FAM169A: variants seen among roughly 807,000 people sequenced by gnomAD.
FAM169A encodes family with sequence similarity 169 member A, also known as soluble lamin-associated protein of 75 kDa.
A neutral mutation model predicts 75.7 loss-of-function variants in FAM169A; 24 were observed. The observed-to-expected ratio is 0.32, with a 90% CI of 0.23 to 0.45. The LOEUF (loss-of-function observed/expected upper bound fraction) is 0.45, where lower values mean the gene tolerates loss of function less well. Ranked by LOEUF, FAM169A falls within the 20% of genes least tolerant of loss-of-function variation. FAM169A has a pLI of 1.00. For synonymous variants in FAM169A, 271 were observed against 271.0 expected (o/e 1.00, Z 0.00); for missense variants, 673 against 784.0 (o/e 0.86, Z 1.69).
intron 8 of FAM169A, among the ~76,000 whole-genome samples, chr5:74,802,171 A>C (rs1220933358): frequency 6.6e-6 from 1 of 152,174 alleles, no homozygotes; most frequent in African/African-American, 2.4e-5. Context: ...ACATGTAATC[A>C]ATCACAAAGC....
chr5:74,855,871 G>C (rs749264522), intron 1 of FAM169A, among the ~76,000 whole-genome samples: 21 of 152,192 alleles, frequency 1.4e-4, no homozygotes, highest in Non-Finnish European at 2.5e-4. Flanking sequence ...CTATGCCCTG[G>C]AGAGTTTTCC....
chr5:74,807,360 A>G (rs1251716365), intron 6 of FAM169A, among the ~76,000 whole-genome samples: 1 of 152,206 alleles, frequency 6.6e-6, no homozygotes, highest in African/African-American at 2.4e-5. Flanking sequence ...AGTACTCTGT[A>G]GAGTATTGGT....
intron 1 of FAM169A, among the ~76,000 whole-genome samples, chr5:74,850,551 T>C (rs1236398189): frequency 6.6e-6 from 1 of 152,170 alleles, no homozygotes; most frequent in Non-Finnish European, 1.5e-5. Context: ...AAAATACTGG[T>C]TAAGGGAGTG....
At chr5:74,862,512 A>G (rs1377376921) in intron 1 of FAM169A, among the ~76,000 whole-genome samples, 1 of 152,202 alleles carries the variant, frequency 6.6e-6, no homozygotes, top group Non-Finnish European at 1.5e-5. Flanking sequence ...TTCCAGAGTC[A>G]CTCAGACAGA....
At chr5:74,805,327 A>T in intron 6 of FAM169A, 43 bp from the exon 7 acceptor site, 1 of 1,595,214 alleles carries the variant, frequency 6.3e-7, no homozygotes. Flanking sequence ...CCAAATATCC[A>T]CTGTTTTGAA....
intron 1 of FAM169A, among the ~76,000 whole-genome samples, chr5:74,863,175 A>C (rs1382353707): frequency 1.3e-5 from 2 of 152,168 alleles, no homozygotes; most frequent in South Asian, 4.1e-4. Flanking sequence ...CCATGAGTCT[A>C]ATAAGCATTC....
At position 74,780,636 on chromosome 5, in the gene FAM169A, G is replaced by A. The variant is rs1276449126; in HGVS notation, c.*824C>T. The A allele has an allele frequency of 2.6e-5, 4 of 152,134 alleles. No homozygotes were observed. Among genetic ancestry groups the A allele is most frequent in the Non-Finnish European group, 4.4e-5 (3 of 68,024 alleles). 9.4% of individuals were successfully genotyped at this position (152,134 alleles called of 1,614,324 possible). On this transcript the variant is annotated 3_prime_UTR_variant, in exon 13 of 13. Coordinates refer to ENST00000687041, the MANE Select transcript of FAM169A (RefSeq NM_001376049.1). Reference sequence around the variant, plus strand: ...GTCCAAATTAAACCATGTCTCCAAAGTATAGTTGTGATTTTTACCTGATTA... The same window carrying A: ...GTCCAAATTAAACCATGTCTCCAAAATATAGTTGTGATTTTTACCTGATTA...
At chr5:74,798,003 T>C (rs1746366599) in intron 10 of FAM169A, among the ~76,000 whole-genome samples, 1 of 152,250 alleles carries the variant, frequency 6.6e-6, no homozygotes, top group East Asian at 1.9e-4. Context: ...AGATTTGGCC[T>C]ACAGGCCATA....
chr5:74,830,760 T>C (rs1748272330), intron 5 of FAM169A, among the ~76,000 whole-genome samples: 1 of 152,176 alleles, frequency 6.6e-6, no homozygotes, highest in South Asian at 2.1e-4. Flanking sequence ...CTTGAAACTA[T>C]AATGTCTGAA....
In FAM169A at chr5:74,778,955, G is replaced by A. The variant is rs1244741000; in HGVS notation, c.*2505C>T. 1.3e-5 allele frequency: 2 copies of A among 152,060 alleles called. No individual in the cohort carries two copies. Among genetic ancestry groups the A allele is most frequent in the Non-Finnish European group, 2.9e-5 (2 of 67,928 alleles). 9.4% of individuals were successfully genotyped at this position (152,060 alleles called of 1,614,324 possible). On this transcript the variant is annotated 3_prime_UTR_variant, in exon 13 of 13. Transcript: ENST00000687041. ...AAGTTCATGTAGGTTCCTTATTGAA[G>A]ATAAATTGTGGTATAAATTCTATAC...
intron 1 of FAM169A, among the ~76,000 whole-genome samples, chr5:74,859,689 G>T (rs1478882958): frequency 1.3e-5 from 2 of 152,072 alleles, no homozygotes; most frequent in Admixed American, 6.6e-5. Context: ...GATACATCAC[G>T]ATTTTTTTTA....
At chr5:74,823,761 C>CA (rs1747878744) in intron 5 of FAM169A, among the ~76,000 whole-genome samples, 1 of 152,166 alleles carries the variant, frequency 6.6e-6, no homozygotes, top group African/African-American at 2.4e-5. Flanking sequence ...ACGGGACTCT[C>CA]ACATGCCTTT....
At chr5:74,826,264 C>T (rs1288301689) in intron 5 of FAM169A, among the ~76,000 whole-genome samples, 1 of 152,138 alleles carries the variant, frequency 6.6e-6, no homozygotes, top group Non-Finnish European at 1.5e-5. Context: ...CTCTTTTACT[C>T]TCTTTTGCTT....
At position 74,778,778 on chromosome 5, in the gene FAM169A, AGTG is replaced by A. The variant is rs1423424938; in HGVS notation, c.*2679_*2681del. On this transcript the variant is annotated 3_prime_UTR_variant, in exon 13 of 13. Coordinates refer to ENST00000687041, the MANE Select transcript of FAM169A (RefSeq NM_001376049.1). ...GAAATATACACGTATGTACATAAAA[AGTG>A]AACTCCCTTCACAAATAAGTTCACA... 2.0e-5 allele frequency: 3 copies of A among 152,116 alleles called. No homozygotes were observed. The highest frequency in any genetic ancestry group is 6.5e-5 in the Admixed American group (1 of 15,274). 9.4% of individuals were successfully genotyped at this position (152,116 alleles called of 1,614,324 possible).
At chr5:74,788,833 C>T (rs891221438) in intron 11 of FAM169A, among the ~76,000 whole-genome samples, 2 of 152,044 alleles carry the variant, frequency 1.3e-5, no homozygotes, top group Admixed American at 6.5e-5. Flanking sequence ...CACGGTTCAA[C>T]TCTCTCATTT....
intron 7 of FAM169A, 39 bp downstream of exon 7, chr5:74,805,117 A>G: frequency 6.3e-7 from 1 of 1,597,384 alleles, no homozygotes; most frequent in Non-Finnish European, 8.6e-7. Context: ...ACCAAAAATA[A>G]ATAAACTGAA....
At chr5:74,784,607 T>TA (rs70976133) in intron 11 of FAM169A, among the ~76,000 whole-genome samples, 1,012 of 60,568 alleles carry the variant, frequency 0.017, 43 homozygotes, top group African/African-American at 0.063. Context: ...CAACCCAGGC[T>TA]AAAAAAAAAA....
intron 1 of FAM169A, among the ~76,000 whole-genome samples, chr5:74,859,058 T>C (rs938015936): frequency 1.3e-5 from 2 of 151,478 alleles, no homozygotes; most frequent in African/African-American, 4.8e-5. Context: ...ACTAAAAATA[T>C]AAAAAATTAG....
At chr5:74,862,772 A>T (rs1400037922) in intron 1 of FAM169A, among the ~76,000 whole-genome samples, 2 of 152,200 alleles carry the variant, frequency 1.3e-5, no homozygotes, top group Non-Finnish European at 2.9e-5. Context: ...GCGCTTTTTT[A>T]AAAATGCAAT....
Sources: allele counts gnomAD v4.1 joint callset (sites outside exome capture counted in the v4.1 genomes callset), GRCh38; gene constraint gnomAD v4.1.1; transcripts MANE v1.5; gene names NCBI Gene and HGNC (gene_info 2026-07-23, HGNC 2026-07-21).